The following MCUB variants were observed in gnomAD, a reference collection of about 807,000 sequenced individuals.
MCUB encodes mitochondrial calcium uniporter dominant negative subunit beta, also known as calcium uniporter regulatory subunit MCUb, mitochondrial.
Under a neutral mutation model 41.4 loss-of-function variants are expected in MCUB, and 46 were observed. The ratio of observed to expected loss-of-function variants is 1.11; its 90% CI spans 0.88 to 1.42. The LOEUF (loss-of-function observed/expected upper bound fraction) is 1.42. Ranked by LOEUF, MCUB falls within the 40% of genes most tolerant of loss-of-function variation. The pLI, the probability that MCUB is intolerant of heterozygous loss-of-function variation, is 0.00. For synonymous variants in MCUB, 148 were observed against 148.2 expected (o/e 1.00, Z 0.01); for missense variants, 403 against 404.9 (o/e 1.00, Z 0.04).
At chr4:109,599,086 A>G (rs2126130579) in intron 1 of MCUB, among the ~76,000 whole-genome samples, 2 of 152,328 alleles carry the variant, frequency 1.3e-5, no homozygotes, top group Middle Eastern at 3.4e-3. Flanking sequence ...GAAAGTAGAG[A>G]AGGTCTTCTC....
intron 1 of MCUB, among the ~76,000 whole-genome samples, chr4:109,648,936 T>C (rs1316074890): frequency 2.0e-5 from 3 of 152,138 alleles, no homozygotes; most frequent in African/African-American, 7.2e-5. Context: ...AGTACAAAAG[T>C]ACGCTATATT....
At chr4:109,634,654 A>G (rs1728550493) in intron 1 of MCUB, among the ~76,000 whole-genome samples, 1 of 151,976 alleles carries the variant, frequency 6.6e-6, no homozygotes, top group Admixed American at 6.6e-5. Flanking sequence ...TTTTTTGCTT[A>G]ACTTTGTGAG....
At chr4:109,649,213 A>G (rs572892366) in intron 1 of MCUB, among the ~76,000 whole-genome samples, 52 of 152,260 alleles carry the variant, frequency 3.4e-4, no homozygotes, top group African/African-American at 8.2e-4. Context: ...ACAAATGTGG[A>G]TATCTATCTA....
At chr4:109,638,708 A>G (rs1031257525) in intron 1 of MCUB, among the ~76,000 whole-genome samples, 18 of 152,228 alleles carry the variant, frequency 1.2e-4, no homozygotes, top group African/African-American at 3.4e-4. Flanking sequence ...ACTTCTTTCA[A>G]AATTGGAGTC....
chr4:109,608,839 G>A (rs1727938187), intron 1 of MCUB, among the ~76,000 whole-genome samples: 1 of 152,100 alleles, frequency 6.6e-6, no homozygotes, highest in African/African-American at 2.4e-5. Context: ...TGCAGTATGG[G>A]CTTGTTTGTA....
At chr4:109,632,615 C>CTTTTTT (rs33926597) in intron 1 of MCUB, among the ~76,000 whole-genome samples, 5 of 116,982 alleles carry the variant, frequency 4.3e-5, no homozygotes, top group African/African-American at 1.4e-4. Context: ...TCTGTCATTG[C>CTTTTTT]TTTTTTTTTT....
chr4:109,683,720 G>T (rs1218961358), intron 5 of MCUB, among the ~76,000 whole-genome samples: 1 of 152,118 alleles, frequency 6.6e-6, no homozygotes, highest in Non-Finnish European at 1.5e-5. Flanking sequence ...ATCTTGATGG[G>T]CATATGGATT....
At chr4:109,618,116 T>G (rs1291495538) in intron 1 of MCUB, among the ~76,000 whole-genome samples, 1 of 152,230 alleles carries the variant, frequency 6.6e-6, no homozygotes, top group Non-Finnish European at 1.5e-5. Context: ...CCAGTCTTTC[T>G]GTATTCTGCT....
At chr4:109,611,707 T>C (rs542905838) in intron 1 of MCUB, among the ~76,000 whole-genome samples, 129 of 152,322 alleles carry the variant, frequency 8.5e-4, no homozygotes, top group South Asian at 5.0e-3. Context: ...TAGACATGTA[T>C]TTCTTTTTCT....
At chr4:109,570,095 A>G (rs1726880148) in intron 1 of MCUB, among the ~76,000 whole-genome samples, 1 of 152,164 alleles carries the variant, frequency 6.6e-6, no homozygotes, top group African/African-American at 2.4e-5. Context: ...ACTTCCATAA[A>G]TAGAGCCTTT....
At position 109,588,765 on chromosome 4, in the gene MCUB, A is replaced by G. The variant is rs1579052688; in HGVS notation, c.99+28329A>G. On this transcript the variant is annotated intron_variant, in intron 1 of 7. Transcript: ENST00000394650. ...CCCTGTCATGTGTATCAAGAAGACA[A>G]GGGCCAAGTTTTATGCTTCACTCTG... Among the ~76,000 whole-genome samples the G allele has an allele frequency of 1.3e-5, 2 of 152,308 alleles. 1 individual carries two copies. Among genetic ancestry groups the G allele is most frequent in the Admixed American group, 1.3e-4 (2 of 15,284 alleles).
chr4:109,619,649 G>T (rs1728212206), intron 1 of MCUB, among the ~76,000 whole-genome samples: 1 of 152,218 alleles, frequency 6.6e-6, no homozygotes, highest in South Asian at 2.1e-4. Flanking sequence ...GGAGGTTGTA[G>T]TGAGCTAAGA....
rs530077023 is a variant in MCUB at position 109,608,694 on chromosome 4, T to C, written c.99+48258T>C. ...TATTGTTTTTTTTTTAGAGACAGGG[T>C]TTTGCCACGTTGCCCAGGCTGACCT... On this transcript the variant is annotated intron_variant, in intron 1 of 7. Transcript: ENST00000394650. Among the ~76,000 whole-genome samples, 10 of 151,698 alleles carry C rather than the reference T, an allele frequency of 6.6e-5. No individual in the cohort carries two copies. The South Asian group carries it at 1.0e-3, about 16-fold the overall frequency.
chr4:109,598,430 C>A (rs1561222204), intron 1 of MCUB, among the ~76,000 whole-genome samples: 1 of 151,572 alleles, frequency 6.6e-6, no homozygotes, highest in Non-Finnish European at 1.5e-5. Flanking sequence ...CCGTCTCCAC[C>A]AAAAAAAATA....
chr4:109,560,492 T>G, intron 1 of MCUB, 56 bp downstream of exon 1: 1 of 821,498 alleles, frequency 1.2e-6, no homozygotes, highest in Non-Finnish European at 1.6e-6. Flanking sequence ...AAAGTTTGCG[T>G]TGGACAACTT....
intron 1 of MCUB, among the ~76,000 whole-genome samples, chr4:109,614,285 C>G (rs560882460): frequency 2.0e-5 from 3 of 152,098 alleles, no homozygotes; most frequent in Admixed American, 2.0e-4. Flanking sequence ...ATCTATAAAC[C>G]CATGCTGTAG....
At chr4:109,573,262 C>G (rs1561213032) in intron 1 of MCUB, among the ~76,000 whole-genome samples, 2 of 152,082 alleles carry the variant, frequency 1.3e-5, no homozygotes, top group African/African-American at 2.4e-5. Flanking sequence ...ACCATCCTGG[C>G]TAACACTGTG....
intron 1 of MCUB, among the ~76,000 whole-genome samples, chr4:109,582,662 G>A (rs747990007): frequency 3.3e-5 from 5 of 151,666 alleles, no homozygotes; most frequent in Admixed American, 6.6e-5. Context: ...GTCATGAATC[G>A]TATTGCATAG....
rs374344058 is a variant in MCUB, at chr4:109,594,100, A to T, written c.99+33664A>T. Among the ~76,000 whole-genome samples, 5 of 152,234 alleles carry T rather than the reference A, an allele frequency of 3.3e-5. No homozygotes were observed. In the South Asian group the frequency reaches 1.0e-3, roughly 32 times the overall value. On this transcript the variant is annotated intron_variant, in intron 1 of 7. Transcript: ENST00000394650. Reference sequence around the variant, plus strand: ...AGAGGTATAGCCTTAGTTCTGGTATAGCTCAATGCTTCCATGCCTGCTGCC... The same window carrying T: ...AGAGGTATAGCCTTAGTTCTGGTATTGCTCAATGCTTCCATGCCTGCTGCC...
Sources: allele counts gnomAD v4.1 joint callset (sites outside exome capture counted in the v4.1 genomes callset), GRCh38; gene constraint gnomAD v4.1.1; transcripts MANE v1.5; gene names NCBI Gene and HGNC (gene_info 2026-07-23, HGNC 2026-07-21).